JAK1: variants seen among roughly 807,000 people sequenced by gnomAD.
The protein encoded by JAK1 is tyrosine-protein kinase JAK1.
Under a neutral mutation model 136.6 loss-of-function variants are expected in JAK1, and 16 were observed. The observed-to-expected ratio is 0.12, with a 90% CI of 0.08 to 0.18. The LOEUF is 0.18. JAK1 is among the 10% of genes least tolerant of loss of function. JAK1 has a pLI of 1.00. For missense variants in JAK1, 859 were observed against 1,450.1 expected, an observed-to-expected ratio of 0.59 and a Z score of 6.62; for synonymous variants, 492 against 519.5, an observed-to-expected ratio of 0.95 and a Z score of 0.72.
intron 2 of JAK1, among the ~76,000 whole-genome samples, chr1:64,987,109 G>A (rs554178875): frequency 2.0e-5 from 3 of 152,116 alleles, no homozygotes; most frequent in East Asian, 1.9e-4. Context: ...CTTACCCTAC[G>A]GTTACCTGCA....
chr1:64,932,957 G>A (rs890657111), intron 1 of JAK1, among the ~76,000 whole-genome samples: 16 of 152,018 alleles, frequency 1.1e-4, no homozygotes, highest in East Asian at 5.8e-4. Flanking sequence ...CACTGCTAAC[G>A]GGAAGTAAAG....
rs79200104 is a variant in JAK1 at position 64,976,375 on chromosome 1, A to G, written c.-78+68105T>C. Among the ~76,000 whole-genome samples the G allele has an allele frequency of 9.2e-5, 14 of 152,330 alleles. No homozygotes were observed. The East Asian group carries it at 2.5e-3, about 27-fold the overall frequency. ...CTTTTTTGGCTACATATTTGCCTCT[A>G]AAGAACACTATGCACTATTAACCGT... is the stretch of plus-strand genomic sequence containing the variant. On this transcript the variant is annotated intron_variant, in intron 2 of 25. Transcript: ENST00000671954.
intron 2 of JAK1, among the ~76,000 whole-genome samples, chr1:64,982,253 G>A (rs182251771): frequency 2.0e-5 from 3 of 152,274 alleles, no homozygotes; most frequent in Admixed American, 6.5e-5. Context: ...AATGGGAGCT[G>A]ACACTCAGGT....
At chr1:65,041,039 G>A (rs35918811) in intron 2 of JAK1, among the ~76,000 whole-genome samples, 2 of 152,136 alleles carry the variant, frequency 1.3e-5, no homozygotes, top group Non-Finnish European at 2.9e-5. Flanking sequence ...CACGGAAAAA[G>A]AGGGCCTGCA....
At chr1:64,883,571 TTTGGTG>T in intron 2 of JAK1, 96 bp from the exon 3 acceptor site, 1 of 1,060,154 alleles carries the variant, frequency 9.4e-7, no homozygotes, top group Non-Finnish European at 1.4e-6. Flanking sequence ...AGCAGAAACA[TTTGGTG>T]TTGGTATTGG....
chr1:65,037,329 T>TGG (rs112660520), intron 2 of JAK1, among the ~76,000 whole-genome samples: 6 of 151,858 alleles, frequency 4.0e-5, no homozygotes, highest in East Asian at 1.9e-4. Flanking sequence ...TTTTTAGAGA[T>TGG]GGGGGGGGTC....
intron 1 of JAK1, chr1:64,942,139 T>C (rs564791168): frequency 2.0e-5 from 3 of 152,364 alleles, no homozygotes; most frequent in South Asian, 4.1e-4. Flanking sequence ...AAATTCGATA[T>C]ATCTTGGATG....
chr1:65,001,687 G>A (rs1259542761), intron 2 of JAK1, among the ~76,000 whole-genome samples: 1 of 147,484 alleles, frequency 6.8e-6, no homozygotes, highest in African/African-American at 2.5e-5. Context: ...GTGGGGGGGG[G>A]GGTATGTGTG....
chr1:64,881,543 G>T (rs1204108317), intron 3 of JAK1, among the ~76,000 whole-genome samples: 1 of 152,148 alleles, frequency 6.6e-6, no homozygotes, highest in Non-Finnish European at 1.5e-5. Context: ...ATCACTTTCT[G>T]TAGTAACAGT....
intron 2 of JAK1, among the ~76,000 whole-genome samples, chr1:65,011,608 T>C (rs1400664149): frequency 2.0e-5 from 3 of 152,130 alleles, no homozygotes; most frequent in Non-Finnish European, 4.4e-5. Context: ...ATATCGAAGG[T>C]TATACCTGGT....
intron 2 of JAK1, among the ~76,000 whole-genome samples, chr1:65,007,979 A>C (rs1457787536): frequency 6.6e-6 from 1 of 152,202 alleles, no homozygotes; most frequent in African/African-American, 2.4e-5. Context: ...TCCTGACCTC[A>C]GGTGATCCGC....
chr1:64,878,043 C>CA (rs766197817), intron 4 of JAK1, among the ~76,000 whole-genome samples: 9 of 152,098 alleles, frequency 5.9e-5, no homozygotes, highest in Non-Finnish European at 1.2e-4. Flanking sequence ...CAAATTCTCC[C>CA]AAAAATAGTA....
At chr1:64,899,001 C>T (rs759418008) in intron 1 of JAK1, among the ~76,000 whole-genome samples, 14 of 152,208 alleles carry the variant, frequency 9.2e-5, no homozygotes, top group Non-Finnish European at 1.9e-4. Flanking sequence ...GTTGGCTTAA[C>T]TGCTCATGAC....
At chr1:64,978,161 C>G (rs941490128) in intron 2 of JAK1, among the ~76,000 whole-genome samples, 1 of 152,012 alleles carries the variant, frequency 6.6e-6, no homozygotes, top group Non-Finnish European at 1.5e-5. Context: ...GCCTGTAGTC[C>G]CAGCTACTCA....
At chr1:65,055,706 C>T (rs941471010) in intron 1 of JAK1, among the ~76,000 whole-genome samples, 6 of 152,192 alleles carry the variant, frequency 3.9e-5, no homozygotes, top group South Asian at 2.1e-4. Context: ...GAACACCTTA[C>T]GTCTATGAAA....
At chr1:65,008,767 A>C (rs1646824475) in intron 2 of JAK1, among the ~76,000 whole-genome samples, 1 of 151,944 alleles carries the variant, frequency 6.6e-6, no homozygotes, top group Non-Finnish European at 1.5e-5. Flanking sequence ...AGCTCATTGC[A>C]GCCTCAACCT....
intron 2 of JAK1, chr1:64,985,767 A>G: frequency 1.5e-6 from 1 of 648,610 alleles, no homozygotes; most frequent in Non-Finnish European, 2.8e-6. Context: ...TACTTTACAC[A>G]GTCCCATAAG....
intron 1 of JAK1, among the ~76,000 whole-genome samples, chr1:65,052,532 G>A (rs1647323811): frequency 6.6e-6 from 1 of 152,054 alleles, no homozygotes; most frequent in Non-Finnish European, 1.5e-5. Context: ...ACAAAATCAG[G>A]CTGGGCGCAG....
At chr1:64,938,974 TTTTTC>T (rs779707771) in intron 1 of JAK1, among the ~76,000 whole-genome samples, 2 of 152,166 alleles carry the variant, frequency 1.3e-5, no homozygotes, top group Admixed American at 1.3e-4. Flanking sequence ...ACCTAGCATT[TTTTTC>T]TTTTCTTTTC....
Sources: gnomAD v4.1 joint callset for allele counts (sites outside exome capture counted in the v4.1 genomes callset) on GRCh38, gnomAD v4.1.1 for gene constraint, MANE v1.5 for transcripts, NCBI Gene and HGNC (gene_info 2026-07-23, HGNC 2026-07-21) for gene names.